The following FGD4 variants were observed in gnomAD, a reference collection of about 807,000 sequenced individuals.
FGD4 encodes FYVE, RhoGEF and PH domain containing 4, also known as FYVE, RhoGEF and PH domain-containing protein 4.
In FGD4, 42 loss-of-function variants were observed where a neutral mutation model predicts 102.0. The ratio of observed to expected loss-of-function variants is 0.41; its 90% CI spans 0.32 to 0.53. FGD4 has a LOEUF of 0.53. FGD4 is among the 20% of genes least tolerant of loss of function. The pLI is 0.21. For synonymous variants in FGD4, 380 were observed against 375.7 expected (o/e 1.01, Z -0.13); for missense variants, 902 against 1,078.2 (o/e 0.84, Z 2.29).
In FGD4 at chr12:32,464,713, G is replaced by C. The variant is rs532177470; in HGVS notation, c.166+64754G>C. Among the ~76,000 whole-genome samples the C allele has an allele frequency of 3.1e-3, 476 of 152,256 alleles. 1 individual carries two copies. Among genetic ancestry groups the C allele is most frequent in the Middle Eastern group, 6.8e-3 (2 of 294 alleles). Reference sequence around the variant, plus strand: ...GCTATTAATTACTCCAATTTTTATAGATGAAGAAACCAAAGCAGAAAGAAT... The same window carrying C: ...GCTATTAATTACTCCAATTTTTATACATGAAGAAACCAAAGCAGAAAGAAT... On this transcript the variant is annotated intron_variant, in intron 1 of 16. Coordinates refer to ENST00000534526, the MANE Select transcript of FGD4 (RefSeq NM_001370298.3).
At chr12:32,626,941 G>A (rs192441452) in intron 14 of FGD4, among the ~76,000 whole-genome samples, 253 of 151,952 alleles carry the variant, frequency 1.7e-3, no homozygotes, top group African/African-American at 5.7e-3. Flanking sequence ...TCCGCCTCCC[G>A]GGTTCAAGCG....
At chr12:32,450,897 C>G (rs1322601175) in intron 1 of FGD4, among the ~76,000 whole-genome samples, 1 of 152,214 alleles carries the variant, frequency 6.6e-6, no homozygotes, top group Non-Finnish European at 1.5e-5. Context: ...CAATCCTGCT[C>G]TGTGTAACCA....
chr12:32,557,354 T>C (rs1191940608), intron 1 of FGD4, among the ~76,000 whole-genome samples: 1 of 152,244 alleles, frequency 6.6e-6, no homozygotes, highest in Non-Finnish European at 1.5e-5. Context: ...TTTGGTGTGC[T>C]ATCTTCCCTC....
At chr12:32,428,999 A>G (rs1009562669) in intron 1 of FGD4, among the ~76,000 whole-genome samples, 1 of 152,068 alleles carries the variant, frequency 6.6e-6, no homozygotes, top group African/African-American at 2.4e-5. Context: ...GGAGTTTTTT[A>G]TCACCCACCT....
intron 1 of FGD4, chr12:32,485,749 C>T (rs1327641294): frequency 4.0e-6 from 3 of 757,812 alleles, no homozygotes; most frequent in Non-Finnish European, 4.8e-6. Flanking sequence ...TGACCAAGAC[C>T]TATTTTTAAA....
At chr12:32,489,754 T>C (rs1944027792) in intron 1 of FGD4, among the ~76,000 whole-genome samples, 1 of 152,214 alleles carries the variant, frequency 6.6e-6, no homozygotes, top group Non-Finnish European at 1.5e-5. Flanking sequence ...ATAGGTGATA[T>C]GACCCTATTT....
chr12:32,613,449 G>T (rs1427029204), intron 10 of FGD4, among the ~76,000 whole-genome samples: 3 of 152,174 alleles, frequency 2.0e-5, no homozygotes, highest in Non-Finnish European at 4.4e-5. Flanking sequence ...GGGGCACTAA[G>T]AAGGATAAGA....
chr12:32,584,375 T>C (rs1946841861), intron 4 of FGD4, among the ~76,000 whole-genome samples: 2 of 152,164 alleles, frequency 1.3e-5, no homozygotes, highest in South Asian at 4.1e-4. Context: ...GTAAATCTTA[T>C]TAGGTATATT....
At chr12:32,565,623 T>C (rs1945125593) in intron 2 of FGD4, among the ~76,000 whole-genome samples, 1 of 152,172 alleles carries the variant, frequency 6.6e-6, no homozygotes, top group Non-Finnish European at 1.5e-5. Context: ...GAAGATGCAG[T>C]GCAATACTTC....
At chr12:32,468,317 A>G (rs996502293) in intron 1 of FGD4, among the ~76,000 whole-genome samples, 2 of 151,960 alleles carry the variant, frequency 1.3e-5, no homozygotes, top group African/African-American at 4.8e-5. Flanking sequence ...GTAACTTGCA[A>G]AAGAGTTGGT....
At chr12:32,596,859 C>T (rs1416248540) in intron 4 of FGD4, among the ~76,000 whole-genome samples, 1 of 151,012 alleles carries the variant, frequency 6.6e-6, no homozygotes, top group African/African-American at 2.4e-5. Flanking sequence ...CACTTGAACC[C>T]GGGAGGCAGA....
intron 10 of FGD4, 86 bp from the exon 11 acceptor site, chr12:32,619,612 A>T: frequency 6.8e-7 from 1 of 1,467,594 alleles, no homozygotes; most frequent in Non-Finnish European, 9.5e-7. Context: ...AGCCTGGGCA[A>T]CAGAGTGAGA....
At position 32,399,568 on chromosome 12, in the gene FGD4, A is replaced by G. The variant is rs374902430; in HGVS notation, c.-226A>G. 10 of 1,117,758 alleles carry G rather than the reference A, an allele frequency of 8.9e-6. No homozygotes were observed. The highest frequency in any genetic ancestry group is 8.9e-5 in the East Asian group (3 of 33,850). 69.2% of individuals were successfully genotyped at this position (1,117,758 alleles called of 1,614,324 possible). A position where few individuals can be genotyped will look rare whatever the true frequency, so the allele number is the denominator to read the frequency against. On this transcript the variant is annotated 5_prime_UTR_variant, in exon 1 of 17. Transcript: ENST00000534526. ...GTGAGTGCGGGAGCTGCAGATACCG[A>G]GACGCTGCGACTGCCGCAGGAGTCG...
chr12:32,525,139 G>T (rs1941008140), intron 1 of FGD4, among the ~76,000 whole-genome samples: 1 of 152,104 alleles, frequency 6.6e-6, no homozygotes, highest in African/African-American at 2.4e-5. Context: ...TGAAATTGTT[G>T]TCTAGTGTAC....
intron 3 of FGD4, among the ~76,000 whole-genome samples, chr12:32,579,902 C>T (rs762513334): frequency 6.6e-6 from 1 of 151,298 alleles, no homozygotes; most frequent in Non-Finnish European, 1.5e-5. Flanking sequence ...TTCCCTGTTT[C>T]ATTCTCCAGT....
intron 1 of FGD4, among the ~76,000 whole-genome samples, chr12:32,418,139 G>A (rs1941495445): frequency 6.6e-6 from 1 of 151,808 alleles, no homozygotes; most frequent in Admixed American, 6.6e-5. Flanking sequence ...TGTATTTTTA[G>A]TAGAGACGGG....
At chr12:32,532,770 T>G (rs1345220011) in intron 1 of FGD4, among the ~76,000 whole-genome samples, 1 of 152,162 alleles carries the variant, frequency 6.6e-6, no homozygotes, top group Non-Finnish European at 1.5e-5. Flanking sequence ...ACAGTGAAAT[T>G]TTAACACATA....
At chr12:32,502,100 C>T (rs79370524) in intron 1 of FGD4, 6 of 985,342 alleles carry the variant, frequency 6.1e-6, no homozygotes, top group African/African-American at 3.5e-5. Context: ...TTCTACCAAT[C>T]GCCTTAGGAG....
chr12:32,485,835 C>T (rs1481639263), intron 1 of FGD4: 2 of 1,188,556 alleles, frequency 1.7e-6, no homozygotes, highest in Admixed American at 4.5e-5. Flanking sequence ...TCCTAGTCCA[C>T]CCCCGGTATT....
Sources: gnomAD v4.1 joint callset for allele counts (sites outside exome capture counted in the v4.1 genomes callset) on GRCh38, gnomAD v4.1.1 for gene constraint, MANE v1.5 for transcripts, NCBI Gene and HGNC (gene_info 2026-07-23, HGNC 2026-07-21) for gene names.